ANKRD31: variants seen among roughly 807,000 people sequenced by gnomAD.
ANKRD31 encodes ankyrin repeat domain-containing protein 31.
A neutral mutation model predicts 186.0 loss-of-function variants in ANKRD31; 147 were observed. That is an observed-to-expected ratio of 0.79 (90% CI 0.69 to 0.91). The LOEUF (loss-of-function observed/expected upper bound fraction) is 0.91. ANKRD31 is among the 40% of genes least tolerant of loss of function. The pLI, the probability that ANKRD31 is intolerant of heterozygous loss-of-function variation, is 0.00. For missense variants in ANKRD31, 1,986 were observed against 2,148.8 expected, an observed-to-expected ratio of 0.92 and a Z score of 1.50; for synonymous variants, 673 against 736.4, an observed-to-expected ratio of 0.91 and a Z score of 1.39.
chr5:75,192,525 G>A (rs778195696), intron 9 of ANKRD31, 142 bp downstream of exon 9: 2 of 652,026 alleles, frequency 3.1e-6, no homozygotes, highest in African/African-American at 3.7e-5. Context: ...GAGCTGTATG[G>A]TTCTGGGAAA....
intron 1 of ANKRD31, 45 bp downstream of exon 1, chr5:75,236,538 G>A: frequency 6.6e-7 from 1 of 1,509,942 alleles, no homozygotes; most frequent in Non-Finnish European, 8.9e-7. Flanking sequence ...CACCTGGGCC[G>A]CCCTGGCGCG....
At position 75,132,709 on chromosome 5, in the gene ANKRD31, C is replaced by A. The variant is rs528052708; in HGVS notation, c.3876+5147G>T. Among the ~76,000 whole-genome samples, 330 of 152,150 alleles carry A rather than the reference C, an allele frequency of 2.2e-3. 1 individual carries two copies. The highest frequency in any genetic ancestry group is 7.6e-3 in the African/African-American group (316 of 41,498). ...CAAGAAGAGCAACTCCAAGACACAT[C>A]ATTGTCAGATTCACCAAAGTTGAAA... is the stretch of plus-strand genomic sequence containing the variant. On this transcript the variant is annotated intron_variant, in intron 17 of 25. Coordinates refer to ENST00000506364, the MANE Select transcript of ANKRD31 (RefSeq NM_001372053.1).
intron 3 of ANKRD31, among the ~76,000 whole-genome samples, chr5:75,215,252 C>T (rs1432850799): frequency 6.6e-6 from 1 of 152,142 alleles, no homozygotes; most frequent in African/African-American, 2.4e-5. Flanking sequence ...TGAGGCCTAC[C>T]CACATGATGG....
intron 3 of ANKRD31, among the ~76,000 whole-genome samples, chr5:75,215,168 C>A (rs1422702): frequency 6.6e-6 from 1 of 151,924 alleles, no homozygotes; most frequent in Admixed American, 6.6e-5. Flanking sequence ...AATCTAAAGA[C>A]AGTCTGCTGT....
chr5:75,140,607 A>C (rs1047222460), intron 15 of ANKRD31, among the ~76,000 whole-genome samples: 1 of 152,240 alleles, frequency 6.6e-6, no homozygotes, highest in South Asian at 2.1e-4. Flanking sequence ...ATATTTCCAT[A>C]TTGAGGGTAT....
chr5:75,071,575 G>A (rs970561881), intron 25 of ANKRD31, among the ~76,000 whole-genome samples: 120 of 149,794 alleles, frequency 8.0e-4, no homozygotes, highest in Admixed American at 2.7e-4. Flanking sequence ...AACTCACTGC[G>A]ACCTCTGCCT....
intron 5 of ANKRD31, among the ~76,000 whole-genome samples, chr5:75,203,422 G>C (rs1755941015): frequency 6.6e-6 from 1 of 152,124 alleles, no homozygotes. Context: ...CCAGCACTTT[G>C]GGAGACCCAG....
chr5:75,103,199 T>C (rs1747051355), intron 22 of ANKRD31, among the ~76,000 whole-genome samples: 1 of 152,182 alleles, frequency 6.6e-6, no homozygotes, highest in Non-Finnish European at 1.5e-5. Flanking sequence ...TTGCTTGTTT[T>C]TGTCAGGTTT....
intron 22 of ANKRD31, among the ~76,000 whole-genome samples, chr5:75,096,168 C>T (rs1410914195): frequency 6.6e-6 from 1 of 152,300 alleles, no homozygotes; most frequent in African/African-American, 2.4e-5. Context: ...TCTGCAACCT[C>T]GCCAGCATCT....
At chr5:75,181,164 A>G (rs1167294311) in intron 10 of ANKRD31, among the ~76,000 whole-genome samples, 4 of 152,190 alleles carry the variant, frequency 2.6e-5, no homozygotes, top group Admixed American at 2.6e-4. Context: ...TCAGAGAAAT[A>G]CAAATCAAAA....
At chr5:75,105,260 G>A (rs1450848477) in intron 21 of ANKRD31, 42 bp from the exon 22 acceptor site, 2 of 1,439,124 alleles carry the variant, frequency 1.4e-6, no homozygotes, top group Non-Finnish European at 1.8e-6. Context: ...AATAACAGCA[G>A]AAAACTTTTC....
intron 23 of ANKRD31, among the ~76,000 whole-genome samples, chr5:75,085,986 G>A (rs1745454195): frequency 6.6e-6 from 1 of 152,184 alleles, no homozygotes; most frequent in Non-Finnish European, 1.5e-5. Flanking sequence ...CCTACTCAAT[G>A]TGTCAATCCC....
At position 75,146,820 on chromosome 5, in the gene ANKRD31, T is replaced by C. The variant is rs1751475884; in HGVS notation, c.2591A>G (p.His864Arg). 1 of 1,536,282 alleles carries C rather than the reference T, an allele frequency of 6.5e-7. No homozygotes were observed. Reference protein sequence around the residue: ...DKQPHTLQEQHHVLYKSHENS... With the variant: ...DKQPHTLQEQRHVLYKSHENS... ...TTCATGAGATTTATAAAGTACATGG[T>C]GTTGTTCCTGGAGAGTGTGAGGCTG... The change falls in exon 14 of 26, where the codon CAC becomes CGC. Residue 864 changes from histidine (H) to arginine (R), a missense_variant. His to Arg is a conservative substitution (Grantham distance 29). Transcript: ENST00000506364.
intron 25 of ANKRD31, among the ~76,000 whole-genome samples, chr5:75,073,566 C>T (rs1247203551): frequency 2.0e-5 from 3 of 152,198 alleles, no homozygotes; most frequent in African/African-American, 7.2e-5. Flanking sequence ...GTTTGGAAAA[C>T]AGTGCTTTCT....
chr5:75,186,638 GT>G (rs997781123), intron 10 of ANKRD31, among the ~76,000 whole-genome samples: 2 of 151,906 alleles, frequency 1.3e-5, no homozygotes, highest in Non-Finnish European at 2.9e-5. Context: ...AGTATTCAGA[GT>G]TTTTTTTAGC....
intron 18 of ANKRD31, among the ~76,000 whole-genome samples, chr5:75,117,511 T>C (rs369666352): frequency 2.5e-4 from 38 of 152,170 alleles, no homozygotes; most frequent in African/African-American, 8.9e-4. Flanking sequence ...AAATCAACAG[T>C]TGGTAAGGAT....
chr5:75,117,026 T>G (rs1425826436), intron 18 of ANKRD31, among the ~76,000 whole-genome samples: 1 of 152,180 alleles, frequency 6.6e-6, no homozygotes, highest in Non-Finnish European at 1.5e-5. Flanking sequence ...AAACCAGATC[T>G]TATCTGATTC....
intron 4 of ANKRD31, 119 bp from the exon 5 acceptor site, chr5:75,206,606 T>G: frequency 2.4e-6 from 1 of 409,052 alleles, no homozygotes; most frequent in Non-Finnish European, 4.1e-6. Flanking sequence ...GATAATTTTT[T>G]GCTATATCAT....
Position 75,190,004 on chromosome 5 carries a change from AT to A in ANKRD31, c.1409-1357del, listed in dbSNP as rs56260923. Among the ~76,000 whole-genome samples, 1,253 of 146,200 alleles carry A rather than the reference AT, an allele frequency of 8.6e-3. 4 individuals carry two copies. Among genetic ancestry groups the A allele is most frequent in the African/African-American group, 0.023 (937 of 39,966 alleles). ...TTGATATGCTCAAGTTTTGTTTAGA[AT>A]TTTTTTTTTTTTTGAGACAGGGTCT... On this transcript the variant is annotated intron_variant, in intron 9 of 25. Transcript: ENST00000506364.
Sources: allele counts gnomAD v4.1 joint callset (sites outside exome capture counted in the v4.1 genomes callset), GRCh38; gene constraint gnomAD v4.1.1; transcripts MANE v1.5; gene names NCBI Gene and HGNC (gene_info 2026-07-23, HGNC 2026-07-21).